RFX7: variants seen among roughly 807,000 people sequenced by gnomAD.
RFX7 encodes DNA-binding protein RFX7.
Under a neutral mutation model 111.8 loss-of-function variants are expected in RFX7, and 26 were observed. The ratio of observed to expected loss-of-function variants is 0.23; its 90% CI spans 0.17 to 0.32. RFX7 has a LOEUF of 0.32. Ranked by LOEUF, RFX7 falls within the 10% of genes least tolerant of loss-of-function variation. RFX7 has a pLI of 1.00. For missense variants in RFX7, 1,573 were observed against 1,772.9 expected, an observed-to-expected ratio of 0.89 and a Z score of 2.02; for synonymous variants, 624 against 624.4, an observed-to-expected ratio of 1.00 and a Z score of 0.01.
chr15:56,142,993 C>G (rs2042422051), intron 4 of RFX7, 93 bp from the exon 5 acceptor site: 3 of 1,370,688 alleles, frequency 2.2e-6, no homozygotes, highest in Admixed American at 2.0e-5. Flanking sequence ...GAACTGTATA[C>G]AAATACACTA....
chr15:56,131,695 T>C (rs2042219946), intron 5 of RFX7, among the ~76,000 whole-genome samples: 1 of 152,192 alleles, frequency 6.6e-6, no homozygotes, highest in Admixed American at 6.5e-5. Context: ...AATAAAGTCT[T>C]GTTCAACTAT....
chr15:56,193,455 A>C (rs2043118893), intron 2 of RFX7, among the ~76,000 whole-genome samples: 1 of 152,130 alleles, frequency 6.6e-6, no homozygotes, highest in Non-Finnish European at 1.5e-5. Flanking sequence ...TAATTTTTTA[A>C]ATTGATGATT....
intron 3 of RFX7, among the ~76,000 whole-genome samples, chr15:56,166,103 T>G (rs531547079): frequency 6.6e-6 from 1 of 152,286 alleles, no homozygotes; most frequent in South Asian, 2.1e-4. Context: ...GATCTCCCTA[T>G]ATTGCTCAGG....
chr15:56,163,192 A>G (rs1388785120), intron 3 of RFX7, among the ~76,000 whole-genome samples: 1 of 152,114 alleles, frequency 6.6e-6, no homozygotes, highest in Non-Finnish European at 1.5e-5. Context: ...GGAAGAAGAT[A>G]ATTTTTTGGA....
Position 56,087,511 on chromosome 15 carries a change from T to C in RFX7, c.*5834A>G, listed in dbSNP as rs1347472493. Reference sequence around the variant, plus strand: ...CAGCAGAGAGGAAGGACAAGAACACTGCAAAGAAGTAGCACCCAAACCTTT... The same window carrying C: ...CAGCAGAGAGGAAGGACAAGAACACCGCAAAGAAGTAGCACCCAAACCTTT... On this transcript the variant is annotated 3_prime_UTR_variant, in exon 10 of 10. Coordinates refer to ENST00000559447, the MANE Select transcript of RFX7 (RefSeq NM_022841.7). 5 of 456,714 alleles carry C rather than the reference T, an allele frequency of 1.1e-5. No individual in the cohort carries two copies. The highest frequency in any genetic ancestry group is 6.9e-5 in the East Asian group (1 of 14,390). 28.3% of individuals were successfully genotyped at this position (456,714 alleles called of 1,614,324 possible).
chr15:56,178,544 G>A (rs1328910301), intron 3 of RFX7, among the ~76,000 whole-genome samples: 3 of 152,044 alleles, frequency 2.0e-5, no homozygotes, highest in Non-Finnish European at 4.4e-5. Context: ...CTGACAATTT[G>A]GGGAATCTAA....
Position 56,095,452 on chromosome 15 carries a change from T to C in RFX7, c.2276A>G (p.Lys759Arg). The C allele has an allele frequency of 6.2e-7, 1 of 1,612,384 alleles. No homozygotes were observed. The highest frequency in any genetic ancestry group is 8.5e-7 in the Non-Finnish European group (1 of 1,179,848). The change falls in exon 10 of 10, where the codon AAA (lysine) becomes AGA (arginine). Residue 759 changes from lysine to arginine, a missense_variant. By Grantham distance (26) the Lys-to-Arg change is conservative. Around this residue, in one of 7 missense-constraint regions of RFX7, gnomAD observed 625 missense variants for 632.2 expected, o/e 0.99. Coordinates refer to ENST00000559447, the MANE Select transcript of RFX7 (RefSeq NM_022841.7). ...CAAGAGAAAGACACTTCCTTCAAGT[T>C]TTACTTTTATATCTGGAGATGATGA... The part of the protein sequence containing the change: ...TPSSSPDIKV[K>R]LEGSVFLLDS...
At position 56,090,744 on chromosome 15, in the gene RFX7, A is replaced by G. The variant is rs1416429253; in HGVS notation, c.*2601T>C. 1.3e-5 allele frequency: 2 copies of G among 152,640 alleles called. No individual in the cohort carries two copies. Among genetic ancestry groups the G allele is most frequent in the Non-Finnish European group, 2.9e-5 (2 of 68,030 alleles). 9.5% of individuals were successfully genotyped at this position (152,640 alleles called of 1,614,324 possible). On this transcript the variant is annotated 3_prime_UTR_variant, in exon 10 of 10. Coordinates refer to ENST00000559447, the MANE Select transcript of RFX7 (RefSeq NM_022841.7). ...GGCTTGTTTTTGTCATTTATCGTGT[A>G]GTAAAGCACATTATAGTACAAGACT...
At chr15:56,208,792 A>T (rs1417590349) in intron 2 of RFX7, among the ~76,000 whole-genome samples, 3 of 152,302 alleles carry the variant, frequency 2.0e-5, no homozygotes, top group East Asian at 1.9e-4. Flanking sequence ...GACACAGCTG[A>T]GGTTAGAATC....
chr15:56,141,769 T>A (rs1318907594), intron 5 of RFX7, among the ~76,000 whole-genome samples: 1 of 149,910 alleles, frequency 6.7e-6, no homozygotes, highest in Non-Finnish European at 1.5e-5. Context: ...ATTCAATGGA[T>A]TGTTGTAGAC....
At chr15:56,210,897 G>T (rs1368484005) in intron 2 of RFX7, among the ~76,000 whole-genome samples, 2 of 151,862 alleles carry the variant, frequency 1.3e-5, no homozygotes, top group African/African-American at 2.4e-5. Flanking sequence ...GGAAAAGAAG[G>T]CTTAAAAAAG....
chr15:56,140,937 C>G (rs1439126473), intron 5 of RFX7, among the ~76,000 whole-genome samples: 2 of 152,116 alleles, frequency 1.3e-5, no homozygotes, highest in African/African-American at 4.8e-5. Flanking sequence ...CATGCTCTCT[C>G]TAAGGTATCA....
chr15:56,134,452 G>T (rs976497500), intron 5 of RFX7, among the ~76,000 whole-genome samples: 39 of 152,138 alleles, frequency 2.6e-4, no homozygotes, highest in African/African-American at 9.2e-4. Flanking sequence ...GATATTTTGT[G>T]TATAGTACTC....
At position 56,096,635 on chromosome 15, in the gene RFX7, C is replaced by CA; in HGVS notation, c.1108-16dup. The stretch of plus-strand genomic sequence containing the variant: ...GTCCGCTGGACCTGTTAAAAGATAG[C>CA]AAAAAATCAGATTTAACAGGTCTAG... On this transcript the variant is annotated splice_polypyrimidine_tract_variant and intron_variant, in intron 9 of 9. Coordinates refer to ENST00000559447, the MANE Select transcript of RFX7 (RefSeq NM_022841.7). The CA allele has an allele frequency of 6.5e-7, 1 of 1,545,026 alleles. No homozygotes were observed. The highest frequency in any genetic ancestry group is 8.8e-7 in the Non-Finnish European group (1 of 1,142,594).
intron 2 of RFX7, among the ~76,000 whole-genome samples, chr15:56,181,590 C>T (rs2042974541): frequency 6.6e-6 from 1 of 151,948 alleles, no homozygotes; most frequent in Non-Finnish European, 1.5e-5. Flanking sequence ...AAATTTCAGT[C>T]CCCCAGATGA....
At chr15:56,142,212 T>C (rs944601011) in intron 5 of RFX7, among the ~76,000 whole-genome samples, 1 of 152,192 alleles carries the variant, frequency 6.6e-6, no homozygotes, top group Non-Finnish European at 1.5e-5. Flanking sequence ...GAAGGGCTCA[T>C]CAGCCTCTGT....
At chr15:56,123,154 A>T (rs1338310082) in intron 5 of RFX7, among the ~76,000 whole-genome samples, 1 of 152,140 alleles carries the variant, frequency 6.6e-6, no homozygotes, top group Admixed American at 6.5e-5. Flanking sequence ...CCACAGCTGT[A>T]AATACACTGG....
chr15:56,107,370 C>T (rs1595928450), intron 5 of RFX7, among the ~76,000 whole-genome samples: 1 of 121,102 alleles, frequency 8.3e-6, no homozygotes. Flanking sequence ...TTTAAAAGTA[C>T]ATTTTTAAGC....
At chr15:56,153,838 G>A (rs1250683082) in intron 3 of RFX7, among the ~76,000 whole-genome samples, 1 of 152,182 alleles carries the variant, frequency 6.6e-6, no homozygotes, top group East Asian at 1.9e-4. Flanking sequence ...AATAGGAAGA[G>A]AGGAAGTCAA....
Sources: allele counts gnomAD v4.1 joint callset (sites outside exome capture counted in the v4.1 genomes callset), GRCh38; gene constraint gnomAD v4.1.1; regional missense constraint gnomAD v4.1.1; transcripts MANE v1.5; gene names NCBI Gene and HGNC (gene_info 2026-07-23, HGNC 2026-07-21).